The following PRPS2 variants were observed in gnomAD, a reference collection of about 807,000 sequenced individuals.
The protein encoded by PRPS2 is phosphoribosyl pyrophosphate synthetase 2, also known as ribose-phosphate pyrophosphokinase 2.
For missense variants in PRPS2, 104 were observed against 271.5 expected, an observed-to-expected ratio of 0.38 and a Z score of 4.34; for synonymous variants, 111 against 115.3, an observed-to-expected ratio of 0.96 and a Z score of 0.24.
intron 1 of PRPS2, among the ~76,000 whole-genome samples, chrX:12,792,844 C>G (rs771242140): frequency 2.7e-5 from 3 of 111,642 alleles, no homozygotes; most frequent in Non-Finnish European, 3.8e-5. Context: ...GCAAAAATTT[C>G]TTAAGGAGGA....
intron 4 of PRPS2, among the ~76,000 whole-genome samples, chrX:12,818,916 C>T (rs190616276): frequency 4.5e-5 from 5 of 110,263 alleles, no homozygotes; most frequent in Non-Finnish European, 7.6e-5. Context: ...AGGCTGTATT[C>T]GAACTCAGAC....
chrX:12,820,510 G>A (rs1420318002), intron 5 of PRPS2, 134 bp from the exon 6 acceptor site: 1 of 632,814 alleles, frequency 1.6e-6, no homozygotes, highest in African/African-American at 2.2e-5. Flanking sequence ...CCTATCTTAG[G>A]TTAATAAATG....
intron 1 of PRPS2, among the ~76,000 whole-genome samples, chrX:12,796,918 TTCCAAATC>T: frequency 1.0e-5 from 1 of 95,760 alleles, no homozygotes; most frequent in South Asian, 5.6e-4. Flanking sequence ...TGGTTGGACA[TTCCAAATC>T]TCCAAAAATC....
chrX:12,799,436 ATGT>A (rs1409029105), intron 2 of PRPS2, 46 bp downstream of exon 2: 1 of 1,133,685 alleles, frequency 8.8e-7, no homozygotes, highest in Non-Finnish European at 1.2e-6. Context: ...GCCACTGTCA[ATGT>A]TGTTTTTCCT....
intron 1 of PRPS2, among the ~76,000 whole-genome samples, chrX:12,794,916 A>G (rs1338689886): frequency 8.9e-6 from 1 of 112,242 alleles, no homozygotes; most frequent in Non-Finnish European, 1.9e-5. Context: ...AGGCAGTGCT[A>G]GCACATGTAG....
intron 2 of PRPS2, among the ~76,000 whole-genome samples, chrX:12,800,731 CTCA>C (rs1374272676): frequency 1.8e-5 from 2 of 111,738 alleles, no homozygotes; most frequent in African/African-American, 6.5e-5. Context: ...ACAAGATCCC[CTCA>C]TATTTGAAAA....
At chrX:12,808,209 G>A (rs2042603978) in intron 2 of PRPS2, among the ~76,000 whole-genome samples, 1 of 110,227 alleles carries the variant, frequency 9.1e-6, no homozygotes, top group Non-Finnish European at 1.9e-5. Context: ...TTTAAAAAGT[G>A]GTATATTAGG....
At position 12,819,603 on chromosome X, in the gene PRPS2, C is replaced by T. The variant is rs371983873; in HGVS notation, c.627C>T (p.Gly209=). The change falls in exon 5 of 7, where the codon GGC becomes GGT. Residue 209 remains glycine (G), a synonymous_variant. Transcript: ENST00000380668. ...AAGTGGACCGGATGGTCCTGGTGGG[C>T]GACGTGAAGGACCGTGTGGCCATCC... ...ANEVDRMVLV[G]DVKDRVAILV... 17 of 1,210,107 alleles carry T rather than the reference C, an allele frequency of 1.4e-5. No individual in the cohort carries two copies. Among genetic ancestry groups the T allele is most frequent in the Middle Eastern group, 2.3e-4 (1 of 4,354 alleles).
At chrX:12,791,770 C>G (rs2042520121) in intron 1 of PRPS2, 151 bp downstream of exon 1, 4 of 552,710 alleles carry the variant, frequency 7.2e-6, no homozygotes, top group Non-Finnish European at 8.8e-6. Flanking sequence ...TCCGCGCCCC[C>G]GCGCCCGCGC....
At chrX:12,822,104 G>A (rs2042679155) in intron 6 of PRPS2, among the ~76,000 whole-genome samples, 1 of 112,199 alleles carries the variant, frequency 8.9e-6, no homozygotes, top group Non-Finnish European at 1.9e-5. Context: ...GATGGGAGTT[G>A]GCACACTATG....
At chrX:12,803,830 CTT>C (rs1458967607) in intron 2 of PRPS2, among the ~76,000 whole-genome samples, 2 of 111,962 alleles carry the variant, frequency 1.8e-5, no homozygotes, top group Admixed American at 1.9e-4. Flanking sequence ...TTTAAGGACA[CTT>C]TGAGCTTTGA....
intron 2 of PRPS2, among the ~76,000 whole-genome samples, chrX:12,800,221 G>C (rs1182847649): frequency 6.3e-5 from 7 of 111,789 alleles, no homozygotes; most frequent in African/African-American, 2.3e-4. Context: ...CCCTCTGAAG[G>C]CTGTAAGGGA....
Position 12,799,351 on chromosome X carries a change from C to T in PRPS2, c.267C>T (p.Ile89=). 1 of 1,211,259 alleles carries T rather than the reference C, an allele frequency of 8.3e-7. No individual in the cohort carries two copies. Among genetic ancestry groups the T allele is most frequent in the Non-Finnish European group, 1.1e-6 (1 of 895,424 alleles). The change falls in exon 2 of 7, where the codon ATC becomes ATT. Residue 89 remains isoleucine (I), a synonymous_variant. Coordinates refer to ENST00000380668, the MANE Select transcript of PRPS2 (RefSeq NM_002765.5). The part of the protein sequence containing the change: ...IASSSRVTAV[I]PCFPYARQDK... The stretch of plus-strand genomic sequence containing the variant: ...CATCATCCAGAGTAACTGCCGTGAT[C>T]CCGTGTTTCCCATACGCCCGACAAG...
At chrX:12,816,477 A>AT (rs767601847) in intron 4 of PRPS2, among the ~76,000 whole-genome samples, 32 of 109,800 alleles carry the variant, frequency 2.9e-4, no homozygotes, top group Admixed American at 2.3e-3. Context: ...TAATTTTTGT[A>AT]TTTTTTGTAG....
At chrX:12,810,000 T>A (rs1355594373) in intron 3 of PRPS2, 22 bp from the exon 4 acceptor site, 5 of 1,154,009 alleles carry the variant, frequency 4.3e-6, no homozygotes, top group Admixed American at 2.6e-5. Flanking sequence ...CCCTGCAACA[T>A]GACACTCACT....
At chrX:12,794,660 G>A (rs181759882) in intron 1 of PRPS2, among the ~76,000 whole-genome samples, 1 of 111,973 alleles carries the variant, frequency 8.9e-6, no homozygotes, top group East Asian at 2.8e-4. Context: ...CTGCCTTCTA[G>A]CCACAATTTT....
intron 4 of PRPS2, among the ~76,000 whole-genome samples, chrX:12,818,668 T>C (rs2042661295): frequency 8.9e-6 from 1 of 111,932 alleles, no homozygotes; most frequent in Non-Finnish European, 1.9e-5. Context: ...TTCAGCTAAA[T>C]TGCATAATGA....
intron 2 of PRPS2, among the ~76,000 whole-genome samples, chrX:12,800,115 A>G (rs1244651616): frequency 2.7e-5 from 3 of 112,245 alleles, no homozygotes; most frequent in Non-Finnish European, 5.6e-5. Context: ...GTCATAAGAA[A>G]TTACATAAAC....
chrX:12,821,865 G>C (rs761412969), intron 6 of PRPS2, among the ~76,000 whole-genome samples: 1 of 112,169 alleles, frequency 8.9e-6, no homozygotes, highest in East Asian at 2.8e-4. Context: ...AAGTCAAAAG[G>C]GTTTGAGGCC....
Sources: allele counts gnomAD v4.1 joint callset (sites outside exome capture counted in the v4.1 genomes callset), GRCh38; gene constraint gnomAD v4.1.1; transcripts MANE v1.5; gene names NCBI Gene and HGNC (gene_info 2026-07-23, HGNC 2026-07-21).